PIN4: variants seen among roughly 807,000 people sequenced by gnomAD.
PIN4 encodes the protein peptidylprolyl cis/trans isomerase, NIMA-interacting 4.
Under a neutral mutation model 8.3 loss-of-function variants are expected in PIN4, and 3 were observed. The observed-to-expected ratio is 0.36, with a 90% CI of 0.16 to 0.93. PIN4 has a LOEUF of 0.93. Among genes scored for constraint, PIN4 ranks in the 40% least tolerant of loss-of-function variants. PIN4 has a pLI of 0.44. For synonymous variants in PIN4, 18 were observed against 32.5 expected (o/e 0.55, Z 1.52); for missense variants, 75 against 100.6 (o/e 0.75, Z 1.09).
At chrX:72,203,013 G>T (rs1015058838), downstream of PIN4, among the ~76,000 whole-genome samples, 17 of 111,726 alleles carry the variant, frequency 1.5e-4, no homozygotes, top group Admixed American at 1.0e-3. Context: ...AAACAGCAAG[G>T]CATGATTAGA....
downstream of PIN4, among the ~76,000 whole-genome samples, chrX:72,203,179 A>ATGTT (rs759356066): frequency 2.7e-5 from 3 of 112,232 alleles, no homozygotes; most frequent in Non-Finnish European, 3.8e-5. Context: ...TAACATCAAA[A>ATGTT]TGTTGGGAGG....
intron 3 of PIN4, among the ~76,000 whole-genome samples, chrX:72,212,275 A>AAAT (rs1180426985): frequency 3.7e-5 from 4 of 109,553 alleles, no homozygotes; most frequent in Non-Finnish European, 7.6e-5. Flanking sequence ...ATCTCAAAAA[A>AAAT]AATAATAATA....
At chrX:72,241,236 T>C (rs2043047942) in intron 3 of PIN4, among the ~76,000 whole-genome samples, 1 of 111,775 alleles carries the variant, frequency 8.9e-6, no homozygotes, top group South Asian at 3.8e-4. Context: ...ATCCCCACCA[T>C]GGTGGCATTG....
intron 3 of PIN4, among the ~76,000 whole-genome samples, chrX:72,220,680 C>A (rs745322031): frequency 1.8e-5 from 2 of 110,260 alleles, no homozygotes; most frequent in South Asian, 7.9e-4. Flanking sequence ...ATTCCAACCC[C>A]GCCATAAAAC....
At chrX:72,184,956 CAG>C (rs1364741890) in intron 1 of PIN4, among the ~76,000 whole-genome samples, 2 of 108,412 alleles carry the variant, frequency 1.8e-5, no homozygotes, top group Non-Finnish European at 3.8e-5. Context: ...TCCTGGCTAA[CAG>C]GGTGAAACCC....
chrX:72,257,491 A>G (rs948833508), intron 3 of PIN4, among the ~76,000 whole-genome samples: 27 of 111,581 alleles, frequency 2.4e-4, no homozygotes, highest in African/African-American at 8.5e-4. Flanking sequence ...GTAGAGTACC[A>G]TTGCTGTAAC....
At chrX:72,242,172 A>G (rs1463468949) in intron 3 of PIN4, among the ~76,000 whole-genome samples, 1 of 110,180 alleles carries the variant, frequency 9.1e-6, no homozygotes, top group Admixed American at 9.7e-5. Flanking sequence ...GCTAAAGAGA[A>G]CTCCCTCAGG....
intron 3 of PIN4, among the ~76,000 whole-genome samples, chrX:72,218,257 G>A (rs1228410500): frequency 4.9e-5 from 5 of 101,139 alleles, no homozygotes; most frequent in Admixed American, 4.3e-4. Context: ...GCGACAGAGC[G>A]AGACTCTGTC....
chrX:72,240,083 C>T (rs1456686177), intron 3 of PIN4, among the ~76,000 whole-genome samples: 2 of 92,567 alleles, frequency 2.2e-5, no homozygotes, highest in African/African-American at 4.2e-5. Flanking sequence ...AGAAAGACTC[C>T]ATCTCAAAAA....
chrX:72,210,192 T>TCC (rs397746756), intron 3 of PIN4, among the ~76,000 whole-genome samples: 1 of 94,284 alleles, frequency 1.1e-5, no homozygotes, highest in African/African-American at 4.0e-5. Flanking sequence ...ATAGCGAGAC[T>TCC]GTCTCTTAAA....
At chrX:72,197,154 G>A (rs1477725181) in intron 3 of PIN4, 30 of 440,722 alleles carry the variant, frequency 6.8e-5, no homozygotes, top group African/African-American at 9.9e-5. Context: ...AAACTTGCAC[G>A]GCTAACTTCA....
chrX:72,245,743 T>C (rs1255589131), intron 3 of PIN4, among the ~76,000 whole-genome samples: 1 of 111,765 alleles, frequency 8.9e-6, no homozygotes, highest in Admixed American at 9.5e-5. Flanking sequence ...GGATAAACCC[T>C]TCTTGGAAAC....
chrX:72,256,096 A>G (rs2043109608), intron 3 of PIN4: 1 of 112,023 alleles, frequency 8.9e-6, no homozygotes, highest in Non-Finnish European at 1.9e-5. Flanking sequence ...CATTCAAGCA[A>G]TACTTACTAA....
chrX:72,212,879 G>T (rs189638345), intron 3 of PIN4, among the ~76,000 whole-genome samples: 2 of 111,519 alleles, frequency 1.8e-5, no homozygotes, highest in African/African-American at 6.5e-5. Flanking sequence ...GGAGGCAGGG[G>T]TTGCATTGAG....
chrX:72,258,973 AAAGGGTAAGAAAGTCT>A (rs2043125656), intron 3 of PIN4, among the ~76,000 whole-genome samples: 1 of 111,912 alleles, frequency 8.9e-6, no homozygotes, highest in South Asian at 3.7e-4. Flanking sequence ...TTTTTTTACA[AAAGGGTAAGAAAGTCT>A]AACCAAGGTC....
At chrX:72,192,098 TCC>T (rs1231562233) in intron 2 of PIN4, among the ~76,000 whole-genome samples, 3 of 110,523 alleles carry the variant, frequency 2.7e-5, no homozygotes, top group Admixed American at 9.7e-5. Flanking sequence ...ATTACAGGCA[TCC>T]ACCACCACTC....
At chrX:72,218,022 G>C (rs775943219) in intron 3 of PIN4, among the ~76,000 whole-genome samples, 144 of 111,451 alleles carry the variant, frequency 1.3e-3, no homozygotes, top group Non-Finnish European at 2.3e-3. Context: ...TGTAATCCCA[G>C]CACTTTGGAA....
chrX:72,190,427 C>T (rs2042725936), intron 2 of PIN4, among the ~76,000 whole-genome samples: 1 of 110,512 alleles, frequency 9.0e-6, no homozygotes, highest in Admixed American at 9.7e-5. Flanking sequence ...TATTGCATTA[C>T]CTTGAAACTG....
At chrX:72,238,730 C>A (rs745544788) in intron 3 of PIN4, 36 of 655,243 alleles carry the variant, frequency 5.5e-5, no homozygotes, top group African/African-American at 4.4e-4. Context: ...CGCGAGCGCG[C>A]GTCTCAAAAG....
Sources: gnomAD v4.1 joint callset for allele counts (sites outside exome capture counted in the v4.1 genomes callset) on GRCh38, gnomAD v4.1.1 for gene constraint, MANE v1.5 for transcripts, NCBI Gene and HGNC (gene_info 2026-07-23, HGNC 2026-07-21) for gene names.